The following STK3 variants were observed in gnomAD, a reference collection of about 807,000 sequenced individuals.
STK3 encodes serine/threonine-protein kinase 3.
STK3 carries 41 observed loss-of-function variants against 58.0 expected under a neutral mutation model. The observed-to-expected ratio is 0.71, with a 90% CI of 0.55 to 0.92. The LOEUF (loss-of-function observed/expected upper bound fraction) is 0.92. Among genes scored for constraint, STK3 ranks in the 40% least tolerant of loss-of-function variants. The probability of loss-of-function intolerance (pLI) is 0.00; values close to 1 mark genes in which losing one functional copy is unlikely to be tolerated. For synonymous variants in STK3, 170 were observed against 191.0 expected (o/e 0.89, Z 0.91); for missense variants, 479 against 602.7 (o/e 0.79, Z 2.15).
At position 98,888,384 on chromosome 8, in the gene STK3, G is replaced by T. The variant is rs529214445; in HGVS notation, c.-78-4550C>A. ...TATTGGGAAAAATCAAATAGCACAG[G>T]GGCTGAGGAAGAGTGGTCTCAGTGC... On this transcript the variant is annotated intron_variant, in intron 1 of 1. Transcript: ENST00000519420. 5.3e-5 allele frequency among the ~76,000 whole-genome samples: 8 copies of T among 152,096 alleles called. No homozygotes were observed. The South Asian group carries it at 1.5e-3, about 28-fold the overall frequency.
chr8:98,523,376 T>C (rs113303367), intron 10 of STK3, among the ~76,000 whole-genome samples: 2 of 129,740 alleles, frequency 1.5e-5, no homozygotes, highest in Admixed American at 7.7e-5. Flanking sequence ...TCCTTTGCCC[T>C]TTTTTTTTTT....
At position 98,387,872 on chromosome 8, in the gene STK3, C is replaced by CTTTTTTT. The variant is rs1178928185; in HGVS notation, n.56+319_56+320insAAAAAAA. On this transcript the variant is annotated intron_variant and non_coding_transcript_variant, in intron 1 of 2. Coordinates refer to the STK3 transcript ENST00000518704. ...GAAACCAGAGCTCTTTGTAAAATGC[C>CTTTTTTT]CTTTTTTTTTTTTTTTTGTCAGATA... 2.5e-3 allele frequency among the ~76,000 whole-genome samples: 359 copies of CTTTTTTT among 144,674 alleles called. 3 individuals are homozygous for CTTTTTTT. The highest frequency in any genetic ancestry group is 8.0e-3 in the African/African-American group (287 of 35,706). The allele number at this position is 144,674 out of a possible 152,430, so 94.9% of individuals were successfully genotyped here.
chr8:98,766,939 A>G (rs1422944851), intron 3 of STK3, among the ~76,000 whole-genome samples: 1 of 152,136 alleles, frequency 6.6e-6, no homozygotes, highest in Non-Finnish European at 1.5e-5. Context: ...CCTGACCAAC[A>G]TGGAGAAACC....
chr8:98,526,899 T>G lies in STK3; in HGVS notation c.1160A>C (p.Gln387Pro), dbSNP rs763253379. 4 of 1,567,954 alleles carry G rather than the reference T, an allele frequency of 2.6e-6. No individual in the cohort carries two copies. Among genetic ancestry groups the G allele is most frequent in the Non-Finnish European group, 3.5e-6 (4 of 1,154,908 alleles). Residue 387 changes from glutamine (Q) to proline (P), a missense_variant, in exon 10 of 11, where the codon CAA (glutamine) becomes CCA (proline). Gln to Pro is a moderately conservative substitution (Grantham distance 76, BLOSUM62 -1). Coordinates refer to ENST00000419617, the MANE Select transcript of STK3 (RefSeq NM_006281.4). ...GTCCATGAAAGATGGTCTTTGTACT[T>G]GTGGTGAGGTTGCATTTCCTTAGGT... Reference protein sequence around the residue: ...GTMKRNATSPQVQRPSFMDYF... With the variant: ...GTMKRNATSPPVQRPSFMDYF...
chr8:98,805,552 C>T (rs773728339), intron 1 of STK3, among the ~76,000 whole-genome samples: 6 of 151,694 alleles, frequency 4.0e-5, no homozygotes, highest in Non-Finnish European at 8.8e-5. Flanking sequence ...CTAGCCTGGG[C>T]GACAAGAGCA....
intron 9 of STK3, among the ~76,000 whole-genome samples, chr8:98,533,443 G>A (rs1276702484): frequency 6.6e-6 from 1 of 152,074 alleles, no homozygotes; most frequent in Non-Finnish European, 1.5e-5. Context: ...TTTACCCTAT[G>A]AGTATGTTGT....
At chr8:98,528,102 C>T (rs1235042999) in intron 9 of STK3, among the ~76,000 whole-genome samples, 1 of 152,114 alleles carries the variant, frequency 6.6e-6, no homozygotes, top group Non-Finnish European at 1.5e-5. Context: ...CTTTTCTCTA[C>T]TTATCATTGC....
At chr8:98,385,167 C>A (rs1294754985) in intron 1 of STK3, among the ~76,000 whole-genome samples, 1 of 151,816 alleles carries the variant, frequency 6.6e-6, no homozygotes, top group East Asian at 1.9e-4. Flanking sequence ...GATGGGTCCC[C>A]GAGAAGAAAC....
chr8:98,770,533 G>C (rs897155387), intron 2 of STK3, among the ~76,000 whole-genome samples: 16 of 152,240 alleles, frequency 1.1e-4, no homozygotes, highest in Admixed American at 1.0e-3. Flanking sequence ...CTGAAACCTG[G>C]ACTCAAAAGT....
intron 1 of STK3, among the ~76,000 whole-genome samples, chr8:98,387,828 A>G (rs1008616978): frequency 6.6e-6 from 1 of 151,986 alleles, no homozygotes; most frequent in Non-Finnish European, 1.5e-5. Flanking sequence ...TTGTCTCTAA[A>G]TACTACTTCC....
chr8:98,839,957 A>AC (rs1351965721), intron 3 of STK3, among the ~76,000 whole-genome samples: 1 of 152,208 alleles, frequency 6.6e-6, no homozygotes, highest in Non-Finnish European at 1.5e-5. Flanking sequence ...ATATTTAGCC[A>AC]CAAATAAGGG....
At chr8:98,345,064 C>A in the STK3 span, among the ~76,000 whole-genome samples, 4 of 151,784 alleles carry the variant, frequency 2.6e-5, no homozygotes, top group East Asian at 5.8e-4. Flanking sequence ...ATTTTGAGAC[C>A]CTTAGAAGCA....
intron 3 of STK3, among the ~76,000 whole-genome samples, chr8:98,417,731 C>T (rs1818131028): frequency 6.6e-6 from 1 of 152,102 alleles, no homozygotes; most frequent in Admixed American, 6.6e-5. Context: ...ATAACAGTGC[C>T]TGGCTTACAG....
chr8:98,511,279 C>A (rs778266915), intron 10 of STK3, among the ~76,000 whole-genome samples: 1 of 151,730 alleles, frequency 6.6e-6, no homozygotes, highest in Non-Finnish European at 1.5e-5. Flanking sequence ...ATTTACATAT[C>A]CCATAACTTT....
intron 10 of STK3, among the ~76,000 whole-genome samples, chr8:98,484,828 G>A (rs993602464): frequency 3.3e-5 from 5 of 152,034 alleles, no homozygotes; most frequent in Non-Finnish European, 5.9e-5. Context: ...ATGTACATGT[G>A]TATACATACA....
intron 4 of STK3, among the ~76,000 whole-genome samples, chr8:98,713,328 A>G (rs1268877670): frequency 6.6e-6 from 1 of 152,218 alleles, no homozygotes; most frequent in African/African-American, 2.4e-5. Flanking sequence ...ACCCTTCAAA[A>G]AATTAATGAA....
At chr8:98,747,654 G>A (rs1286528904) in intron 4 of STK3, among the ~76,000 whole-genome samples, 1 of 152,142 alleles carries the variant, frequency 6.6e-6, no homozygotes, top group African/African-American at 2.4e-5. Context: ...AAATGTCCTT[G>A]CACTAGAAAA....
At chr8:98,926,306 A>G (rs991632903) in intron 1 of STK3, among the ~76,000 whole-genome samples, 4 of 152,158 alleles carry the variant, frequency 2.6e-5, no homozygotes, top group African/African-American at 9.7e-5. Flanking sequence ...AGAAGTTCTT[A>G]TATTTGGGGA....
At chr8:98,715,687 C>G (rs570051393) in intron 4 of STK3, among the ~76,000 whole-genome samples, 3 of 152,206 alleles carry the variant, frequency 2.0e-5, no homozygotes, top group Admixed American at 2.0e-4. Flanking sequence ...GTTGATGGGA[C>G]TGTAAACTAG....
Sources: allele counts gnomAD v4.1 joint callset (sites outside exome capture counted in the v4.1 genomes callset), GRCh38; gene constraint gnomAD v4.1.1; transcripts MANE v1.5; gene names NCBI Gene and HGNC (gene_info 2026-07-23, HGNC 2026-07-21).